The following NUP188 variants were observed in gnomAD, a reference collection of about 807,000 sequenced individuals.
NUP188 encodes nucleoporin NUP188.
In NUP188, 97 loss-of-function variants were observed where a neutral mutation model predicts 223.0. That is an observed-to-expected ratio of 0.43 (90% CI 0.37 to 0.51). The LOEUF is 0.51. Ranked by LOEUF, NUP188 falls within the 20% of genes least tolerant of loss-of-function variation. The pLI, the probability that NUP188 is intolerant of heterozygous loss-of-function variation, is 0.00. For synonymous variants in NUP188, 869 were observed against 828.0 expected, an observed-to-expected ratio of 1.05 and a Z score of -0.85; for missense variants, 1,947 against 2,175.6, an observed-to-expected ratio of 0.89 and a Z score of 2.09.
chr9:128,952,045 G>A (rs978338812), intron 2 of NUP188, among the ~76,000 whole-genome samples: 6 of 152,050 alleles, frequency 3.9e-5, no homozygotes, highest in Admixed American at 1.3e-4. Flanking sequence ...CGCCCGCTTC[G>A]GCCTCCCAAA....
At chr9:128,953,298 ATTCT>A (rs1841821757) in intron 3 of NUP188, among the ~76,000 whole-genome samples, 1 of 152,212 alleles carries the variant, frequency 6.6e-6, no homozygotes, top group African/African-American at 2.4e-5. Context: ...TACTACTTTT[ATTCT>A]TTGGGTGAAT....
chr9:128,974,065 C>T (rs936003285), intron 12 of NUP188, among the ~76,000 whole-genome samples: 15 of 152,034 alleles, frequency 9.9e-5, no homozygotes, highest in Non-Finnish European at 1.5e-4. Flanking sequence ...TGCCTGCCAC[C>T]GCGCCCGGCT....
At chr9:128,962,875 G>T (rs1391725292) in intron 8 of NUP188, among the ~76,000 whole-genome samples, 6 of 152,074 alleles carry the variant, frequency 3.9e-5, no homozygotes, top group Non-Finnish European at 8.8e-5. Flanking sequence ...TTTTTAAATT[G>T]TGATAAAATA....
At chr9:128,959,387 C>A (rs1309414963) in intron 8 of NUP188, among the ~76,000 whole-genome samples, 2 of 151,724 alleles carry the variant, frequency 1.3e-5, no homozygotes, top group East Asian at 3.9e-4. Context: ...GGTGATCCGC[C>A]CACCTCAGCC....
intron 23 of NUP188, 123 bp from the exon 24 acceptor site, chr9:128,987,924 G>A: frequency 1.6e-6 from 2 of 1,253,850 alleles, no homozygotes; most frequent in South Asian, 1.4e-5. Flanking sequence ...AGTTTGGACT[G>A]GGGCCTCTAA....
At position 129,002,967 on chromosome 9, in the gene NUP188, A is replaced by C; in HGVS notation, c.4288A>C (p.Thr1430Pro). ...LDFVGVHQER[T>P]LQCLNAVRTV... ...CTTCGTGGGTGTCCACCAGGAGCGGACCTTACAGGTGAGGGGCTGCCTGCA... is the reference window on the plus strand; with the variant it reads ...CTTCGTGGGTGTCCACCAGGAGCGGCCCTTACAGGTGAGGGGCTGCCTGCA... Residue 1430 changes from threonine to proline, a missense_variant, in exon 37 of 44, where the codon ACC becomes CCC. Physicochemically the swap from Thr to Pro is conservative, Grantham distance 38 (BLOSUM62 -1). This residue lies in a region of NUP188 where 905 missense variants were observed against 990.6 expected (regional missense o/e 0.91). Coordinates refer to ENST00000372577, the MANE Select transcript of NUP188 (RefSeq NM_015354.3). 1.9e-6 allele frequency: 3 copies of C among 1,613,998 alleles called. No homozygotes were observed. The highest frequency in any genetic ancestry group is 2.5e-6 in the Non-Finnish European group (3 of 1,179,970).
chr9:128,987,845 T>C, intron 23 of NUP188, 128 bp downstream of exon 23: 1 of 1,302,192 alleles, frequency 7.7e-7, no homozygotes, highest in Non-Finnish European at 1.1e-6. Flanking sequence ...ACATAGCCTT[T>C]ACATACCCTA....
intron 3 of NUP188, among the ~76,000 whole-genome samples, chr9:128,955,362 G>A (rs866437156): frequency 6.6e-6 from 1 of 151,870 alleles, no homozygotes; most frequent in African/African-American, 2.4e-5. Context: ...GTGGAGATGA[G>A]GGTCTCACTT....
intron 12 of NUP188, among the ~76,000 whole-genome samples, chr9:128,974,708 G>A (rs990158082): frequency 1.3e-5 from 2 of 151,110 alleles, no homozygotes; most frequent in South Asian, 2.1e-4. Flanking sequence ...TTAATCTACA[G>A]ACATTTCAAC....
intron 10 of NUP188, 33 bp from the exon 11 acceptor site, chr9:128,970,725 C>A: frequency 6.3e-7 from 1 of 1,578,766 alleles, no homozygotes; most frequent in Admixed American, 1.7e-5. Context: ...ACTTTCTGTT[C>A]GGAGATGTAG....
chr9:128,995,282 T>A, intron 29 of NUP188, 37 bp from the exon 30 acceptor site: 2 of 1,555,938 alleles, frequency 1.3e-6, no homozygotes, highest in Non-Finnish European at 1.8e-6. Context: ...CCATCTGCTT[T>A]CAAAATCTAA....
At chr9:128,956,040 A>G (rs958825344) in intron 3 of NUP188, among the ~76,000 whole-genome samples, 10 of 152,156 alleles carry the variant, frequency 6.6e-5, no homozygotes, top group Non-Finnish European at 1.2e-4. Context: ...TTTGCCTTTT[A>G]GGGCAGTAGT....
At chr9:128,975,681 G>C (rs1842166403) in intron 12 of NUP188, among the ~76,000 whole-genome samples, 1 of 151,700 alleles carries the variant, frequency 6.6e-6, no homozygotes, top group African/African-American at 2.4e-5. Context: ...CACCACGTCT[G>C]GCGAATTTTT....
chr9:128,956,795 C>T (rs1011913178), intron 4 of NUP188, among the ~76,000 whole-genome samples, 157 bp from the exon 5 acceptor site: 2 of 152,146 alleles, frequency 1.3e-5, no homozygotes, highest in African/African-American at 4.8e-5. Flanking sequence ...TGGCTCTTGT[C>T]TTCTATTAGA....
chr9:128,992,941 AT>A (rs1842456693), intron 25 of NUP188, among the ~76,000 whole-genome samples: 1 of 152,252 alleles, frequency 6.6e-6, no homozygotes. Flanking sequence ...AAGCAAAAAA[AT>A]GTTTCACTTT....
chr9:128,954,958 A>G (rs932342687), intron 3 of NUP188, among the ~76,000 whole-genome samples: 1 of 151,218 alleles, frequency 6.6e-6, no homozygotes, highest in Non-Finnish European at 1.5e-5. Flanking sequence ...GGTTCAAGCA[A>G]TTCTGTCTCA....
chr9:128,994,422 C>T lies in NUP188; in HGVS notation c.3067C>T (p.Pro1023Ser), dbSNP rs1842483673. 6.2e-7 allele frequency: 1 copy of T among 1,613,502 alleles called. No homozygotes were observed. Among genetic ancestry groups the T allele is most frequent in the Non-Finnish European group, 8.5e-7 (1 of 1,179,482 alleles). Residue 1023 changes from proline to serine, a missense_variant, in exon 28 of 44, where the codon CCT becomes TCT. Pro to Ser is a moderately conservative substitution (Grantham distance 74). This residue lies in a region of NUP188 where 905 missense variants were observed against 990.6 expected (regional missense o/e 0.91). Coordinates refer to ENST00000372577, the MANE Select transcript of NUP188 (RefSeq NM_015354.3). ...CAGTCCGCTGTTTGGAACCCTTTCT[C>T]CTCCCTCTGAAACATCAGAGGTAAG... is the stretch of plus-strand genomic sequence containing the variant. ...LTSPLFGTLSPPSETSEPSIL... is the reference protein window; with the variant it reads ...LTSPLFGTLSSPSETSEPSIL...
chr9:128,966,362 G>T (rs1238349760), intron 8 of NUP188, among the ~76,000 whole-genome samples: 4 of 151,222 alleles, frequency 2.6e-5, no homozygotes, highest in African/African-American at 9.7e-5. Flanking sequence ...CCAAATATTG[G>T]ATGTTTTTTG....
chr9:128,981,992 G>A (rs1842261124), intron 15 of NUP188, among the ~76,000 whole-genome samples: 3 of 151,762 alleles, frequency 2.0e-5, no homozygotes, highest in Admixed American at 6.6e-5. Flanking sequence ...CAGGAGAATC[G>A]TTTGAACTTG....
Sources: allele counts gnomAD v4.1 joint callset (sites outside exome capture counted in the v4.1 genomes callset), GRCh38; gene constraint gnomAD v4.1.1; regional missense constraint gnomAD v4.1.1; transcripts MANE v1.5; gene names NCBI Gene and HGNC (gene_info 2026-07-23, HGNC 2026-07-21).